Variants in KCNC2 observed in about 807,000 individuals in gnomAD.
The protein encoded by KCNC2 is voltage-gated potassium channel KCNC2.
A neutral mutation model predicts 44.5 loss-of-function variants in KCNC2; 21 were observed. The observed-to-expected ratio is 0.47, with a 90% CI of 0.33 to 0.68. The LOEUF (loss-of-function observed/expected upper bound fraction) is 0.68, where lower values mean the gene tolerates loss of function less well. KCNC2 is among the 30% of genes least tolerant of loss of function. The pLI is 0.01. For missense variants in KCNC2, 589 were observed against 826.2 expected (o/e 0.71, Z 3.52); for synonymous variants, 391 against 339.1 (o/e 1.15, Z -1.68).
At position 75,040,244 on chromosome 12, in the gene KCNC2, A is replaced by G. The variant is rs201606294; in HGVS notation, c.*2861T>C. 2.0e-5 allele frequency: 3 copies of G among 152,050 alleles called. No individual in the cohort carries two copies. The highest frequency in any genetic ancestry group is 4.4e-5 in the Non-Finnish European group (3 of 67,972). 9.4% of individuals were successfully genotyped at this position (152,050 alleles called of 1,614,324 possible). On this transcript the variant is annotated 3_prime_UTR_variant, in exon 5 of 5. Transcript: ENST00000549446. ...GATACAGGGATTTATAATAGGCTAT[A>G]TGTTATATTCAGAATCCCAGGGGAA...
chr12:75,164,181 TG>T (rs1024064110), intron 2 of KCNC2, among the ~76,000 whole-genome samples: 1 of 151,712 alleles, frequency 6.6e-6, no homozygotes. Flanking sequence ...TGTCTTTTTT[TG>T]TTATGTACTT....
chr12:75,105,393 T>C (rs1411337058), intron 2 of KCNC2, among the ~76,000 whole-genome samples: 1 of 152,062 alleles, frequency 6.6e-6, no homozygotes, highest in Non-Finnish European at 1.5e-5. Context: ...CAAACTTCAG[T>C]AGGTTGTGTA....
intron 2 of KCNC2, among the ~76,000 whole-genome samples, chr12:75,203,329 T>C (rs529039217): frequency 3.9e-5 from 6 of 151,986 alleles, no homozygotes; most frequent in African/African-American, 1.2e-4. Context: ...ATGCTAGAAA[T>C]TAAAATTTCC....
intron 2 of KCNC2, among the ~76,000 whole-genome samples, chr12:75,112,469 G>C (rs1444101495): frequency 6.6e-6 from 1 of 151,822 alleles, no homozygotes; most frequent in Non-Finnish European, 1.5e-5. Flanking sequence ...ACTTTCTGAG[G>C]TCTAGTCACT....
chr12:75,091,100 C>A lies in KCNC2; in HGVS notation c.688-39783G>T, dbSNP rs188085001. On this transcript the variant is annotated intron_variant, in intron 2 of 4. Coordinates refer to ENST00000549446, the MANE Select transcript of KCNC2 (RefSeq NM_139137.4). ...GTGCATAGATTTTCATTGTGCTTCT[C>A]CTGATGCAAAGATCACATTTGTAGT... 2.1e-3 allele frequency among the ~76,000 whole-genome samples: 313 copies of A among 151,722 alleles called. 1 individual carries two copies. Among genetic ancestry groups the A allele is most frequent in the African/African-American group, 7.1e-3 (295 of 41,480 alleles).
At chr12:75,159,067 A>G (rs1297448557) in intron 2 of KCNC2, among the ~76,000 whole-genome samples, 1 of 146,386 alleles carries the variant, frequency 6.8e-6, no homozygotes, top group Non-Finnish European at 1.5e-5. Flanking sequence ...GAGCTGAAAA[A>G]TGAGAACACA....
At position 75,050,592 on chromosome 12, in the gene KCNC2, G is replaced by T. The variant is rs145135402; in HGVS notation, c.1413C>A (p.Val471=). The T allele has an allele frequency of 2.7e-5, 44 of 1,613,392 alleles. No individual in the cohort carries two copies. In the African/African-American group the frequency reaches 5.1e-4, roughly 19 times the overall value. The change falls in exon 3 of 5, where the codon GTC becomes GTA. Residue 471 remains valine (V), a synonymous_variant. Transcript: ENST00000549446. ...GVLTIAMPVP[V]IVNNFGMYYS... is the part of the protein sequence containing the mutation. The stretch of plus-strand genomic sequence containing the variant: ...AGTACATTCCAAAATTATTGACAAT[G>T]ACAGGCACTGGCATGGCTATTGTCA...
chr12:75,043,505 A>G, intron 4 of KCNC2: 9 of 1,266,628 alleles, frequency 7.1e-6, no homozygotes, highest in Non-Finnish European at 9.1e-6. Flanking sequence ...TAGCATTAAT[A>G]TAATTTTGGC....
In KCNC2 at chr12:75,041,042, G is replaced by T; in HGVS notation, c.*2063C>A. On this transcript the variant is annotated 3_prime_UTR_variant, in exon 5 of 5. Transcript: ENST00000549446. ...AGTTCCAGCCGCAGTTCTTTTATAA[G>T]CTTTAAGTGCCTCATGAAGACGCGA... 7.3e-7 allele frequency: 1 copy of T among 1,379,136 alleles called. No homozygotes were observed. Among genetic ancestry groups the T allele is most frequent in the Non-Finnish European group, 1.0e-6 (1 of 982,438 alleles). The allele number at this position is 1,379,136 out of a possible 1,614,324, so 85.4% of individuals were successfully genotyped here.
rs190484812 is a variant in KCNC2 at position 75,161,973 on chromosome 12, T to C, written c.687+45324A>G. Among the ~76,000 whole-genome samples, 510 of 151,906 alleles carry C rather than the reference T, an allele frequency of 3.4e-3. 4 individuals carry two copies. The highest frequency in any genetic ancestry group is 3.4e-3 in the Non-Finnish European group (233 of 67,834). ...TTCAAGGTTGTGAATTCTGTGCTTA[T>C]ATTCCCAACATGTATACCACCCATT... On this transcript the variant is annotated intron_variant, in intron 2 of 4. Transcript: ENST00000549446.
intron 2 of KCNC2, among the ~76,000 whole-genome samples, chr12:75,136,344 A>ATTCT: frequency 2.0e-5 from 3 of 152,092 alleles, no homozygotes; most frequent in Admixed American, 6.6e-5. Flanking sequence ...AAATCAGAAT[A>ATTCT]GAACTAAGTG....
At chr12:75,208,029 G>T (rs200799636) in intron 1 of KCNC2, 27 bp from the exon 2 acceptor site, 3 of 1,607,060 alleles carry the variant, frequency 1.9e-6, no homozygotes, top group South Asian at 2.2e-5. Flanking sequence ...ACAGCGCCGA[G>T]TTAAAGATCT....
intron 2 of KCNC2, among the ~76,000 whole-genome samples, chr12:75,117,519 T>C (rs532541878): frequency 1.3e-5 from 2 of 152,282 alleles, no homozygotes; most frequent in South Asian, 4.1e-4. Context: ...TCCCAGTCAC[T>C]TCGCTACAGT....
intron 1 of KCNC2, 126 bp from the exon 2 acceptor site, chr12:75,208,128 C>T (rs895817333): frequency 1.8e-6 from 2 of 1,094,620 alleles, no homozygotes; most frequent in African/African-American, 3.3e-5. Context: ...GGGCAAAGAC[C>T]CTCCCCGGGA....
intron 2 of KCNC2, among the ~76,000 whole-genome samples, chr12:75,114,546 T>A (rs1188477525): frequency 2.0e-5 from 3 of 152,020 alleles, no homozygotes; most frequent in Admixed American, 2.0e-4. Flanking sequence ...CTGCTACGAG[T>A]AAGGGCTATA....
intron 2 of KCNC2, among the ~76,000 whole-genome samples, chr12:75,144,770 C>G (rs1889899095): frequency 6.6e-6 from 1 of 151,896 alleles, no homozygotes. Context: ...GTCACTGGGC[C>G]ATCAAAATTC....
intron 2 of KCNC2, among the ~76,000 whole-genome samples, chr12:75,092,357 T>A (rs1382783673): frequency 6.6e-6 from 1 of 151,696 alleles, no homozygotes; most frequent in African/African-American, 2.4e-5. Context: ...GGATAATGGA[T>A]CTGATTTTCA....
At chr12:75,164,493 G>T (rs1311195924) in intron 2 of KCNC2, among the ~76,000 whole-genome samples, 1 of 151,604 alleles carries the variant, frequency 6.6e-6, no homozygotes, top group African/African-American at 2.4e-5. Context: ...TCATATTTCT[G>T]ATACTTTGCC....
intron 2 of KCNC2, among the ~76,000 whole-genome samples, chr12:75,131,646 A>G (rs1888853373): frequency 6.6e-6 from 1 of 152,162 alleles, no homozygotes; most frequent in Non-Finnish European, 1.5e-5. Flanking sequence ...GATGAGAAGA[A>G]CTCAACACAT....
Sources: gnomAD v4.1 joint callset for allele counts (sites outside exome capture counted in the v4.1 genomes callset) on GRCh38, gnomAD v4.1.1 for gene constraint, MANE v1.5 for transcripts, NCBI Gene and HGNC (gene_info 2026-07-23, HGNC 2026-07-21) for gene names.